The following NAV3 variants were observed in gnomAD, a reference collection of about 807,000 sequenced individuals.
NAV3 encodes pore membrane and/or filament interacting like protein 1.
A neutral mutation model predicts 244.7 loss-of-function variants in NAV3; 87 were observed. That is an observed-to-expected ratio of 0.36 (90% confidence interval 0.30 to 0.42). The LOEUF is 0.42. Ranked by LOEUF, NAV3 falls within the 20% of genes least tolerant of loss-of-function variation. NAV3 has a pLI of 1.00. For synonymous variants in NAV3, 1,126 were observed against 1,042.2 expected (o/e 1.08, Z -1.55); for missense variants, 2,663 against 2,893.3 (o/e 0.92, Z 1.83).
Position 77,636,038 on chromosome 12 carries a change from A to C in NAV3, c.72+63772A>C, listed in dbSNP as rs115421916. The stretch of plus-strand genomic sequence containing the variant: ...ACTTAATTGCTTTAATAAGTAAAGT[A>C]AATCCAAAAGAAGACATTTATGCGA... On this transcript the variant is annotated intron_variant, in intron 2 of 8. Transcript: ENST00000550042. 3.1e-3 allele frequency among the ~76,000 whole-genome samples: 465 copies of C among 152,368 alleles called. 3 individuals are homozygous for C. The highest frequency in any genetic ancestry group is 0.011 in the African/African-American group (442 of 41,590).
In NAV3 at chr12:77,776,970, T is replaced by C. The variant is rs549776509; in HGVS notation, c.73-163349T>C. ...CATACGTTTAATAGGAAAGCAAGAA[T>C]TGAGTAAACCATTACTCATTTATTC... On this transcript the variant is annotated intron_variant, in intron 2 of 8. Transcript: ENST00000550042. Among the ~76,000 whole-genome samples, 174 of 152,334 alleles carry C rather than the reference T, an allele frequency of 1.1e-3. 1 individual carries two copies. The highest frequency in any genetic ancestry group is 6.8e-3 in the Middle Eastern group (2 of 294).
intron 2 of NAV3, among the ~76,000 whole-genome samples, chr12:77,661,879 T>G (rs117555635): frequency 0.025 from 3,781 of 152,168 alleles, 61 homozygotes; most frequent in Middle Eastern, 0.082. Flanking sequence ...ATTTTGTATT[T>G]TGTTGTACAT....
chr12:78,041,801 G>A (rs1266485540), intron 9 of NAV3, among the ~76,000 whole-genome samples: 1 of 152,290 alleles, frequency 6.6e-6, no homozygotes, highest in East Asian at 1.9e-4. Context: ...TCTGGCCTGA[G>A]TATTAAGGAA....
intron 2 of NAV3, among the ~76,000 whole-genome samples, chr12:77,786,871 T>C (rs1377563616): frequency 3.3e-5 from 5 of 152,156 alleles, no homozygotes; most frequent in Admixed American, 1.3e-4. Context: ...TTAGTCTCGA[T>C]GTACCTCATC....
In NAV3 at chr12:77,711,621, G is replaced by A. The variant is rs116836522; in HGVS notation, c.72+139355G>A. Among the ~76,000 whole-genome samples, 539 of 152,340 alleles carry A rather than the reference G, an allele frequency of 3.5e-3. 5 individuals carry two copies. Among genetic ancestry groups the A allele is most frequent in the African/African-American group, 0.012 (512 of 41,572 alleles). The stretch of plus-strand genomic sequence containing the variant: ...GCAGCTAAAGGGCAGGTGCCCTGAT[G>A]TCCTGTCAGTCCTATTCAGCTGCCC... On this transcript the variant is annotated intron_variant, in intron 2 of 8. Coordinates refer to the NAV3 transcript ENST00000550042.
rs151081624 is a variant in NAV3 at position 77,672,695 on chromosome 12, G to C, written c.72+100429G>C. ...AGGACTCAGGGGAAAGGGTGGGAGT[G>C]GGGTGAGGGATAAATGACTATACAT... is the stretch of plus-strand genomic sequence containing the variant. On this transcript the variant is annotated intron_variant, in intron 2 of 8. Coordinates refer to the NAV3 transcript ENST00000550042. 7.5e-3 allele frequency among the ~76,000 whole-genome samples: 1,144 copies of C among 152,042 alleles called. 11 individuals carry two copies. The highest frequency in any genetic ancestry group is 0.011 in the Non-Finnish European group (746 of 67,964).
intron 1 of NAV3, among the ~76,000 whole-genome samples, chr12:77,849,521 A>G (rs1040242981): frequency 1.3e-5 from 2 of 152,170 alleles, no homozygotes; most frequent in Non-Finnish European, 2.9e-5. Flanking sequence ...TGTAGTCAAA[A>G]CACAGTCAAA....
intron 1 of NAV3, among the ~76,000 whole-genome samples, chr12:77,863,576 T>C (rs1363060533): frequency 6.6e-6 from 1 of 151,930 alleles, no homozygotes; most frequent in African/African-American, 2.4e-5. Context: ...TTAAAATTTA[T>C]TGGACTGAGT....
chr12:77,803,146 T>G (rs1049968172), intron 2 of NAV3, among the ~76,000 whole-genome samples: 1 of 152,164 alleles, frequency 6.6e-6, no homozygotes, highest in African/African-American at 2.4e-5. Context: ...CGTGCATGTT[T>G]GTTACATAGG....
At chr12:77,686,472 T>G (rs1396149415) in intron 2 of NAV3, among the ~76,000 whole-genome samples, 7 of 151,034 alleles carry the variant, frequency 4.6e-5, no homozygotes, top group African/African-American at 1.7e-4. Context: ...TGTTCTAAAG[T>G]TGGTTTCGTA....
At chr12:78,035,633 T>G (rs1031333186) in intron 9 of NAV3, among the ~76,000 whole-genome samples, 2 of 152,334 alleles carry the variant, frequency 1.3e-5, no homozygotes, top group African/African-American at 4.8e-5. Context: ...GTAACATTAT[T>G]ATGTTCCACA....
Position 77,831,310 on chromosome 12 carries a change from C to G in NAV3, c.-152C>G. 1 of 792,572 alleles carries G rather than the reference C, an allele frequency of 1.3e-6. No individual in the cohort carries two copies. The highest frequency in any genetic ancestry group is 1.9e-6 in the Non-Finnish European group (1 of 535,540). The allele number at this position is 792,572 out of a possible 1,614,324, so 49.1% of individuals were successfully genotyped here. On this transcript the variant is annotated 5_prime_UTR_variant, in exon 1 of 40. Coordinates refer to ENST00000397909, the MANE Select transcript of NAV3 (RefSeq NM_001024383.2). ...CTAAAGATGCAGGGAAGTTTTGCCT[C>G]TTCCTGAAAATTATATTATTAGCTT...
chr12:77,999,283 AT>A (rs1872841131), intron 7 of NAV3, among the ~76,000 whole-genome samples: 1 of 152,182 alleles, frequency 6.6e-6, no homozygotes, highest in Non-Finnish European at 1.5e-5. Context: ...TTGAGGAAGT[AT>A]TTTCAAATCA....
chr12:77,807,387 T>G (rs954452511), intron 2 of NAV3, among the ~76,000 whole-genome samples: 1 of 152,232 alleles, frequency 6.6e-6, no homozygotes, highest in Non-Finnish European at 1.5e-5. Context: ...ACAAAATCTT[T>G]CAGCATTTGC....
In NAV3 at chr12:78,007,018, A is replaced by C. The variant is rs781061916; in HGVS notation, c.1480A>C (p.Met494Leu). 3 of 1,614,132 alleles carry C rather than the reference A, an allele frequency of 1.9e-6. No homozygotes were observed. In the Admixed American group the frequency reaches 5.0e-5, roughly 27 times the overall value. Residue 494 changes from methionine to leucine, a missense_variant, in exon 8 of 40, where the codon ATG becomes CTG. Physicochemically the swap from Met to Leu is conservative, Grantham distance 15 (BLOSUM62 2). This residue lies in a region of NAV3 where 1,521 missense variants were observed against 1,497.0 expected (regional missense o/e 1.02). Transcript: ENST00000397909. ...AGAAGAGAAGGATCAGGTGACAGAG[A>C]TGGCTCCAAAAAAGACCTCCAAAAT... ...VKEEKDQVTE[M>L]APKKTSKIAS... is the part of the protein sequence containing the mutation.
At chr12:78,142,014 G>A (rs1298190979) in intron 20 of NAV3, among the ~76,000 whole-genome samples, 1 of 152,036 alleles carries the variant, frequency 6.6e-6, no homozygotes, top group Non-Finnish European at 1.5e-5. Flanking sequence ...CACTTAGATA[G>A]AAGAAATAAG....
At chr12:77,615,805 C>A (rs898383218) in intron 2 of NAV3, among the ~76,000 whole-genome samples, 3 of 152,250 alleles carry the variant, frequency 2.0e-5, no homozygotes, top group Non-Finnish European at 2.9e-5. Context: ...AGGGCACAGA[C>A]AAATTTAATT....
intron 1 of NAV3, among the ~76,000 whole-genome samples, chr12:77,925,435 C>G (rs1427560490): frequency 6.6e-6 from 1 of 151,934 alleles, no homozygotes; most frequent in Non-Finnish European, 1.5e-5. Context: ...CTAATATATT[C>G]CAATAATTTG....
At chr12:77,861,024 A>T (rs2136333622) in intron 1 of NAV3, among the ~76,000 whole-genome samples, 1 of 151,982 alleles carries the variant, frequency 6.6e-6, no homozygotes, top group Admixed American at 6.6e-5. Flanking sequence ...AAATTCCATT[A>T]ATTCCTTTCT....
Sources: allele counts gnomAD v4.1 joint callset (sites outside exome capture counted in the v4.1 genomes callset), GRCh38; gene constraint gnomAD v4.1.1; regional missense constraint gnomAD v4.1.1; transcripts MANE v1.5; gene names NCBI Gene and HGNC (gene_info 2026-07-23, HGNC 2026-07-21).